RXFP1: variants seen among roughly 807,000 people sequenced by gnomAD.
RXFP1 encodes the protein relaxin receptor 1.
In RXFP1, 73 loss-of-function variants were observed where a neutral mutation model predicts 89.8. The observed-to-expected ratio is 0.81, with a 90% confidence interval of 0.67 to 0.99. RXFP1 has a LOEUF of 0.99. RXFP1 is among the 50% of genes least tolerant of loss of function. The pLI is 0.00. For synonymous variants in RXFP1, 277 were observed against 305.5 expected (o/e 0.91, Z 0.97); for missense variants, 793 against 895.5 (o/e 0.89, Z 1.46).
At chr4:158,561,044 C>T (rs1228749609) in intron 1 of RXFP1, among the ~76,000 whole-genome samples, 2 of 152,128 alleles carry the variant, frequency 1.3e-5, no homozygotes, top group East Asian at 1.9e-4. Flanking sequence ...ATTCAAAAAC[C>T]GTGTTTGCCT....
intron 1 of RXFP1, 76 bp from the exon 2 acceptor site, chr4:158,572,622 T>C (rs1335382259): frequency 7.9e-7 from 1 of 1,264,128 alleles, no homozygotes; most frequent in Admixed American, 1.7e-5. Flanking sequence ...TTATAAAATA[T>C]CAGGGAGAAA....
intron 4 of RXFP1, among the ~76,000 whole-genome samples, chr4:158,602,759 ATT>A (rs113309020): frequency 6.8e-6 from 1 of 147,980 alleles, no homozygotes. Context: ...TGAATGAACA[ATT>A]TTTTTTTTTT....
chr4:158,589,450 A>G (rs1335270610), intron 2 of RXFP1, among the ~76,000 whole-genome samples: 2 of 152,158 alleles, frequency 1.3e-5, no homozygotes, highest in African/African-American at 4.8e-5. Context: ...AGTCTTCTCT[A>G]AGTCCAATTT....
chr4:158,531,511 A>C (rs1303515679), intron 1 of RXFP1, among the ~76,000 whole-genome samples: 1 of 152,224 alleles, frequency 6.6e-6, no homozygotes. Flanking sequence ...TTTCAGGAGA[A>C]TCCACCCTTC....
intron 4 of RXFP1, among the ~76,000 whole-genome samples, chr4:158,602,598 G>T (rs574918369): frequency 6.6e-6 from 1 of 151,886 alleles, no homozygotes; most frequent in Admixed American, 6.5e-5. Flanking sequence ...ATTAGCCCCG[G>T]GCTGTTAAGA....
At chr4:158,649,082 C>CA (rs1165464007) in intron 17 of RXFP1, among the ~76,000 whole-genome samples, 3 of 143,728 alleles carry the variant, frequency 2.1e-5, no homozygotes, top group African/African-American at 7.6e-5. Flanking sequence ...CACTACACTC[C>CA]AGCCTGGGTG....
At chr4:158,642,669 T>G (rs1465397721) in intron 14 of RXFP1, among the ~76,000 whole-genome samples, 1 of 152,242 alleles carries the variant, frequency 6.6e-6, no homozygotes, top group Non-Finnish European at 1.5e-5. Context: ...CCACATTTTT[T>G]TATCCATTCA....
At chr4:158,528,398 C>T (rs536506893) in intron 1 of RXFP1, among the ~76,000 whole-genome samples, 29 of 151,988 alleles carry the variant, frequency 1.9e-4, no homozygotes, top group African/African-American at 6.5e-4. Context: ...TCCAGCTACT[C>T]GGGAAGCTGA....
intron 2 of RXFP1, among the ~76,000 whole-genome samples, chr4:158,591,477 G>A (rs1759456557): frequency 6.6e-6 from 1 of 151,898 alleles, no homozygotes; most frequent in African/African-American, 2.4e-5. Flanking sequence ...GAAGTCTGCA[G>A]TGGCTCACGC....
chr4:158,546,692 G>A (rs1748519209), intron 1 of RXFP1, among the ~76,000 whole-genome samples: 1 of 152,268 alleles, frequency 6.6e-6, no homozygotes, highest in South Asian at 2.1e-4. Context: ...GGCCTTTTCT[G>A]CATCTATTGA....
At chr4:158,571,505 GA>G (rs1005351356) in intron 1 of RXFP1, among the ~76,000 whole-genome samples, 1 of 152,002 alleles carries the variant, frequency 6.6e-6, no homozygotes, top group Non-Finnish European at 1.5e-5. Context: ...CGTCTCTACT[GA>G]AAATATAAAA....
intron 11 of RXFP1, among the ~76,000 whole-genome samples, chr4:158,631,712 C>T (rs909192890): frequency 9.2e-5 from 14 of 152,030 alleles, no homozygotes; most frequent in East Asian, 3.9e-4. Flanking sequence ...GAAGTGCATT[C>T]GGGTCATGGT....
Position 158,612,185 on chromosome 4 carries a change from C to T in RXFP1, c.592C>T (p.His198Tyr), listed in dbSNP as rs373135744. The change falls in exon 7 of 18, where the codon CAC (histidine) becomes TAC (tyrosine). Residue 198 changes from histidine (H) to tyrosine (Y), a missense_variant. His to Tyr is a moderately conservative substitution (Grantham distance 83). Transcript: ENST00000307765. ...FLKPGVFEDLHRLEWLIIEDN... is the reference protein window; with the variant it reads ...FLKPGVFEDLYRLEWLIIEDN... ...GAAGCCGGGTGTTTTTGAAGATCTT[C>T]ACAGACTAGAATGGCTGTATGTTTA... 1.8e-5 allele frequency: 29 copies of T among 1,611,766 alleles called. No homozygotes were observed. The highest frequency in any genetic ancestry group is 2.1e-5 in the Non-Finnish European group (25 of 1,179,190).
chr4:158,626,691 A>G lies in RXFP1; in HGVS notation c.756-129A>G, dbSNP rs1766913537. On this transcript the variant is annotated intron_variant, in intron 9 of 17. Transcript: ENST00000307765. ...TTTCAGCTGTAATAGAAATGGCTACAAGTGAGAGTCTATATGAAATAAACA... is the reference window on the plus strand; with the variant it reads ...TTTCAGCTGTAATAGAAATGGCTACGAGTGAGAGTCTATATGAAATAAACA... 8 of 504,810 alleles carry G rather than the reference A, an allele frequency of 1.6e-5. No individual in the cohort carries two copies. In the South Asian group the frequency reaches 2.1e-4, roughly 13 times the overall value. 31.3% of individuals were successfully genotyped at this position (504,810 alleles called of 1,614,324 possible).
intron 1 of RXFP1, among the ~76,000 whole-genome samples, chr4:158,537,609 G>A (rs952577859): frequency 1.4e-4 from 22 of 151,954 alleles, no homozygotes; most frequent in Non-Finnish European, 3.1e-4. Context: ...TAAGTATTTC[G>A]GACACACAGA....
intron 1 of RXFP1, among the ~76,000 whole-genome samples, chr4:158,565,476 C>A (rs887456361): frequency 1.3e-5 from 2 of 152,072 alleles, no homozygotes; most frequent in Non-Finnish European, 2.9e-5. Context: ...TACCATTCTA[C>A]CCAGAGAGGA....
chr4:158,637,910 T>G (rs888206641), intron 12 of RXFP1, 98 bp from the exon 13 acceptor site: 46 of 729,266 alleles, frequency 6.3e-5, no homozygotes, highest in Non-Finnish European at 9.5e-5. Context: ...TATACTTTCG[T>G]TCATAAATAT....
intron 1 of RXFP1, among the ~76,000 whole-genome samples, chr4:158,567,405 G>C (rs1753822021): frequency 6.6e-6 from 1 of 152,226 alleles, no homozygotes; most frequent in African/African-American, 2.4e-5. Flanking sequence ...GTCTAGCTAA[G>C]GGATTGTAAA....
At chr4:158,637,122 TA>T (rs1317040359) in intron 12 of RXFP1, among the ~76,000 whole-genome samples, 2 of 152,204 alleles carry the variant, frequency 1.3e-5, no homozygotes, top group Admixed American at 6.5e-5. Flanking sequence ...TATGTATACA[TA>T]TTTTTTTATC....
Sources: gnomAD v4.1 joint callset for allele counts (sites outside exome capture counted in the v4.1 genomes callset) on GRCh38, gnomAD v4.1.1 for gene constraint, MANE v1.5 for transcripts, NCBI Gene and HGNC (gene_info 2026-07-23, HGNC 2026-07-21) for gene names.